Variants in IGSF11 observed in about 807,000 individuals in gnomAD.
The protein encoded by IGSF11 is CXADR like 1.
A neutral mutation model predicts 41.0 loss-of-function variants in IGSF11; 22 were observed. That is an observed-to-expected ratio of 0.54 (90% CI 0.38 to 0.77). The LOEUF (loss-of-function observed/expected upper bound fraction) is 0.77. Ranked by LOEUF, IGSF11 falls within the 30% of genes least tolerant of loss-of-function variation. The probability of loss-of-function intolerance (pLI) is 0.00; values close to 1 mark genes in which losing one functional copy is unlikely to be tolerated. For missense variants in IGSF11, 444 were observed against 530.8 expected (o/e 0.84, Z 1.61); for synonymous variants, 219 against 201.3 (o/e 1.09, Z -0.74).
intron 1 of IGSF11, chr3:118,949,455 C>A (rs1008677368): frequency 2.0e-5 from 3 of 151,804 alleles, no homozygotes; most frequent in African/African-American, 7.3e-5. Flanking sequence ...GACACAAAAA[C>A]CACACAAACA....
intron 4 of IGSF11, among the ~76,000 whole-genome samples, chr3:118,909,669 A>G (rs1209575344): frequency 2.6e-5 from 4 of 152,268 alleles, no homozygotes; most frequent in African/African-American, 9.6e-5. Context: ...ATGTTAGGAT[A>G]CATCCTGCTT....
intron 1 of IGSF11, among the ~76,000 whole-genome samples, chr3:119,128,570 T>C (rs914038708): frequency 6.9e-6 from 1 of 144,790 alleles, no homozygotes; most frequent in Non-Finnish European, 1.5e-5. Flanking sequence ...GCCAAACAAA[T>C]AAAAAGAAAA....
chr3:119,007,336 C>T (rs1179426583), intron 1 of IGSF11, among the ~76,000 whole-genome samples: 1 of 140,010 alleles, frequency 7.1e-6, no homozygotes, highest in South Asian at 2.4e-4. Context: ...GCACGGTGCG[C>T]GCACTCACTG....
At chr3:119,088,262 T>A (rs986780598) in intron 1 of IGSF11, among the ~76,000 whole-genome samples, 3 of 151,176 alleles carry the variant, frequency 2.0e-5, no homozygotes, top group African/African-American at 4.9e-5. Flanking sequence ...GAAATCAATA[T>A]CAAGAAGATC....
At chr3:118,936,590 C>A (rs1943303851) in intron 1 of IGSF11, among the ~76,000 whole-genome samples, 2 of 152,014 alleles carry the variant, frequency 1.3e-5, no homozygotes, top group South Asian at 2.1e-4. Flanking sequence ...AAAGTGACAG[C>A]ATTTTGCACT....
At chr3:118,909,404 A>G (rs1343441991) in intron 4 of IGSF11, among the ~76,000 whole-genome samples, 1 of 152,192 alleles carries the variant, frequency 6.6e-6, no homozygotes, top group Non-Finnish European at 1.5e-5. Flanking sequence ...CCTGAAAAAG[A>G]TATTTAATTT....
chr3:119,001,480 T>C (rs1182001143), intron 1 of IGSF11, among the ~76,000 whole-genome samples: 6 of 150,256 alleles, frequency 4.0e-5, no homozygotes, highest in Non-Finnish European at 7.4e-5. Flanking sequence ...TTTTTTTTTT[T>C]TTTATTATAC....
At position 119,061,358 on chromosome 3, in the gene IGSF11, T is replaced by C. The variant is rs140287640; in HGVS notation, c.49+43786A>G. Among the ~76,000 whole-genome samples, 582 of 152,284 alleles carry C rather than the reference T, an allele frequency of 3.8e-3. 6 individuals carry two copies. Among genetic ancestry groups the C allele is most frequent in the African/African-American group, 0.013 (549 of 41,554 alleles). On this transcript the variant is annotated intron_variant, in intron 1 of 6. Coordinates refer to the IGSF11 transcript ENST00000354673. The stretch of plus-strand genomic sequence containing the variant: ...TTGCTTTGCCTTGGACTATATCAAG[T>C]ACCTCTCTCTTTCTGCTCCAGAGAT...
At chr3:119,001,407 G>C (rs1365803658) in intron 1 of IGSF11, among the ~76,000 whole-genome samples, 1 of 150,830 alleles carries the variant, frequency 6.6e-6, no homozygotes, top group Non-Finnish European at 1.5e-5. Flanking sequence ...GCACGCAGTG[G>C]TAACTCAAAA....
At chr3:118,968,657 G>A (rs994685363) in intron 1 of IGSF11, among the ~76,000 whole-genome samples, 1 of 152,222 alleles carries the variant, frequency 6.6e-6, no homozygotes, top group East Asian at 1.9e-4. Context: ...TTATCTCTTC[G>A]ATAACTTTGA....
chr3:119,039,585 G>T (rs1180990560), upstream of IGSF11, among the ~76,000 whole-genome samples: 2 of 152,110 alleles, frequency 1.3e-5, no homozygotes. Context: ...CCATTTGTGG[G>T]GGGCCCTTAT....
intron 1 of IGSF11, among the ~76,000 whole-genome samples, chr3:118,999,777 T>C (rs1343952761): frequency 6.6e-6 from 1 of 152,210 alleles, no homozygotes; most frequent in Non-Finnish European, 1.5e-5. Context: ...CGTTATCTTT[T>C]ATAGACCCAA....
At chr3:118,940,306 T>A (rs1049025107) in intron 1 of IGSF11, among the ~76,000 whole-genome samples, 43 of 152,306 alleles carry the variant, frequency 2.8e-4, no homozygotes, top group African/African-American at 1.0e-3. Context: ...AAAAACCAAC[T>A]AATTCTAATA....
chr3:119,083,693 T>C (rs1329988577), intron 1 of IGSF11, among the ~76,000 whole-genome samples: 1 of 152,192 alleles, frequency 6.6e-6, no homozygotes, highest in Non-Finnish European at 1.5e-5. Flanking sequence ...GAACACATTA[T>C]TCACCAGTTT....
intron 1 of IGSF11, among the ~76,000 whole-genome samples, chr3:118,962,890 T>C (rs1261754734): frequency 6.6e-6 from 1 of 152,096 alleles, no homozygotes; most frequent in Non-Finnish European, 1.5e-5. Context: ...TAAAAAGCTA[T>C]AAACATCAAT....
chr3:118,931,837 A>C (rs1942877587), intron 1 of IGSF11, among the ~76,000 whole-genome samples: 1 of 149,764 alleles, frequency 6.7e-6, no homozygotes, highest in Non-Finnish European at 1.5e-5. Flanking sequence ...GGTTCATGCC[A>C]TTCTCCTGCC....
intron 1 of IGSF11, among the ~76,000 whole-genome samples, chr3:119,018,359 G>T (rs1389282701): frequency 1.3e-5 from 2 of 152,138 alleles, no homozygotes; most frequent in African/African-American, 2.4e-5. Context: ...GGTTCTAAAG[G>T]TCTGTTATAA....
intron 1 of IGSF11, among the ~76,000 whole-genome samples, chr3:118,996,246 T>C (rs1455980367): frequency 6.6e-6 from 1 of 152,250 alleles, no homozygotes; most frequent in Non-Finnish European, 1.5e-5. Flanking sequence ...CAGTTTCATA[T>C]CTCAGTACAT....
chr3:119,127,871 A>G (rs1559882595), intron 1 of IGSF11, among the ~76,000 whole-genome samples: 1 of 152,260 alleles, frequency 6.6e-6, no homozygotes, highest in African/African-American at 2.4e-5. Flanking sequence ...TTTCATTACC[A>G]GCAGGCCTGC....
Sources: gnomAD v4.1 joint callset for allele counts (sites outside exome capture counted in the v4.1 genomes callset) on GRCh38, gnomAD v4.1.1 for gene constraint, MANE v1.5 for transcripts, NCBI Gene and HGNC (gene_info 2026-07-23, HGNC 2026-07-21) for gene names.